PDE6A: variants seen among roughly 807,000 people sequenced by gnomAD.
PDE6A encodes rod cGMP-specific 3',5'-cyclic phosphodiesterase subunit alpha.
In PDE6A, 84 loss-of-function variants were observed where a neutral mutation model predicts 106.3. That is an observed-to-expected ratio of 0.79 (90% CI 0.66 to 0.95). PDE6A has a LOEUF of 0.95. PDE6A is among the 40% of genes least tolerant of loss of function. PDE6A has a pLI of 0.00. For missense variants in PDE6A, 1,052 were observed against 1,084.9 expected (o/e 0.97, Z 0.43); for synonymous variants, 394 against 386.6 (o/e 1.02, Z -0.23).
chr5:149,880,027 T>C (rs920902072), intron 17 of PDE6A, among the ~76,000 whole-genome samples: 4 of 152,216 alleles, frequency 2.6e-5, no homozygotes, highest in East Asian at 3.8e-4. Context: ...CCCATTGATC[T>C]GAACGACTTC....
intron 20 of PDE6A, among the ~76,000 whole-genome samples, chr5:149,865,933 C>A (rs1760314913): frequency 6.6e-6 from 1 of 152,224 alleles, no homozygotes; most frequent in Non-Finnish European, 1.5e-5. Flanking sequence ...CATGCTTAGT[C>A]ATTTGCCCCA....
rs149380104 is a variant in PDE6A at position 149,884,554 on chromosome 5, T to A, written c.1952A>T (p.Asn651Ile). 1 of 1,613,676 alleles carries A rather than the reference T, an allele frequency of 6.2e-7. No individual in the cohort carries two copies. The highest frequency in any genetic ancestry group is 1.7e-5 in the Admixed American group (1 of 59,966). Reference sequence around the variant, plus strand: ...GATGGCATGCTCATGCTGTCGACGATTGAGGTTTTGAAAGATATTCAGGCT... The same window carrying A: ...GATGGCATGCTCATGCTGTCGACGAATGAGGTTTTGAAAGATATTCAGGCT... ...DESLNIFQNL[N>I]RRQHEHAIHM... The change falls in exon 16 of 22, where the codon AAT becomes ATT. Residue 651 changes from asparagine (N) to isoleucine (I), a missense_variant. Physicochemically the swap from Asn to Ile is moderately radical, Grantham distance 149 (BLOSUM62 -3). This residue lies in a region of PDE6A where 913 missense variants were observed against 915.2 expected (regional missense o/e 1.00). Coordinates refer to ENST00000255266, the MANE Select transcript of PDE6A (RefSeq NM_000440.3).
chr5:149,939,140 C>T (rs139475902), intron 1 of PDE6A, among the ~76,000 whole-genome samples: 33 of 152,272 alleles, frequency 2.2e-4, no homozygotes, highest in African/African-American at 6.0e-4. Flanking sequence ...ATACCAAGTA[C>T]GCAGGGATGA....
rs2113483834 is a variant in PDE6A, at chr5:149,859,333, C to G, written c.*1562G>C. The G allele has an allele frequency of 6.6e-6, 1 of 152,276 alleles. No homozygotes were observed. Among genetic ancestry groups the G allele is most frequent in the Middle Eastern group, 3.4e-3 (1 of 294 alleles). 9.4% of individuals were successfully genotyped at this position (152,276 alleles called of 1,614,324 possible). On this transcript the variant is annotated 3_prime_UTR_variant, in exon 22 of 22. Transcript: ENST00000255266. ...TTTGGATCAGATTCAGGCAAGCCAACCATTGAAAACGTTCATGAGAATGAA... is the reference window on the plus strand; with the variant it reads ...TTTGGATCAGATTCAGGCAAGCCAAGCATTGAAAACGTTCATGAGAATGAA...
At chr5:149,911,497 C>A (rs573036448) in intron 6 of PDE6A, among the ~76,000 whole-genome samples, 8 of 152,220 alleles carry the variant, frequency 5.3e-5, no homozygotes, top group Admixed American at 3.9e-4. Context: ...GTAACTTTGT[C>A]TTTTGACTAT....
chr5:149,908,365 A>G (rs1442261410), intron 6 of PDE6A, among the ~76,000 whole-genome samples: 1 of 152,214 alleles, frequency 6.6e-6, no homozygotes, highest in Admixed American at 6.5e-5. Flanking sequence ...AGATATTTGT[A>G]TCTTCAACTT....
intron 13 of PDE6A, among the ~76,000 whole-genome samples, chr5:149,889,081 C>CAAAAAA (rs568428704): frequency 4.9e-5 from 3 of 61,594 alleles, no homozygotes; most frequent in Admixed American, 1.8e-4. Flanking sequence ...GACTCTGTCT[C>CAAAAAA]AAAAAAAAAA....
chr5:149,932,070 A>G, intron 3 of PDE6A: 4 of 1,440,914 alleles, frequency 2.8e-6, no homozygotes, highest in Non-Finnish European at 3.9e-6. Flanking sequence ...TGAATACACG[A>G]CCATTTCTCT....
intron 8 of PDE6A, among the ~76,000 whole-genome samples, chr5:149,900,366 AATATATATGTATATATAT>A (rs1277190245): frequency 1.6e-4 from 2 of 12,778 alleles, no homozygotes; most frequent in Admixed American, 7.8e-4. Flanking sequence ...CATCTCGAAA[AATATATATGTATATATAT>A]ATATATATAT....
At chr5:149,937,096 G>A (rs1269470318) in intron 1 of PDE6A, among the ~76,000 whole-genome samples, 1 of 152,214 alleles carries the variant, frequency 6.6e-6, no homozygotes, top group Non-Finnish European at 1.5e-5. Flanking sequence ...AGGGATGGCA[G>A]GCTGGTGGGT....
At chr5:149,929,644 A>AT in intron 4 of PDE6A, among the ~76,000 whole-genome samples, 6 of 151,838 alleles carry the variant, frequency 4.0e-5, no homozygotes, top group African/African-American at 1.5e-4. Flanking sequence ...AAATAAATAA[A>AT]AGAAGCCAAA....
At chr5:149,920,463 C>A (rs1753672811) in intron 5 of PDE6A, among the ~76,000 whole-genome samples, 1 of 152,140 alleles carries the variant, frequency 6.6e-6, no homozygotes, top group Admixed American at 6.5e-5. Context: ...TGCCTGTAAT[C>A]CTAGCTACTC....
intron 1 of PDE6A, among the ~76,000 whole-genome samples, chr5:149,937,714 A>T (rs1289087695): frequency 6.6e-6 from 1 of 152,140 alleles, no homozygotes; most frequent in African/African-American, 2.4e-5. Context: ...ACTACTTCTC[A>T]TTCCCAGATT....
chr5:149,894,610 T>C (rs1752664571), intron 13 of PDE6A, among the ~76,000 whole-genome samples: 1 of 150,250 alleles, frequency 6.7e-6, no homozygotes. Flanking sequence ...ACTATAACCA[T>C]GACCAATTGA....
At chr5:149,916,936 A>G (rs1056619650) in intron 5 of PDE6A, among the ~76,000 whole-genome samples, 1 of 152,002 alleles carries the variant, frequency 6.6e-6, no homozygotes, top group Non-Finnish European at 1.5e-5. Context: ...TGTCTTGTGA[A>G]CTCTTTACTA....
chr5:149,870,771 C>CAAAAAA, intron 17 of PDE6A, among the ~76,000 whole-genome samples: 1 of 64,402 alleles, frequency 1.6e-5, no homozygotes, highest in Non-Finnish European at 3.0e-5. Flanking sequence ...GAACACAGGG[C>CAAAAAA]AAAAAAAAAA....
intron 17 of PDE6A, among the ~76,000 whole-genome samples, chr5:149,868,470 GGAGAA>G (rs1410815350): frequency 6.6e-6 from 1 of 152,306 alleles, no homozygotes; most frequent in African/African-American, 2.4e-5. Flanking sequence ...GATTGTGGTT[GGAGAA>G]ATCTAAGTAT....
At chr5:149,934,136 C>T (rs962741218) in intron 2 of PDE6A, 117 bp from the exon 3 acceptor site, 2 of 710,950 alleles carry the variant, frequency 2.8e-6, no homozygotes, top group African/African-American at 3.5e-5. Flanking sequence ...ACAATTTGGG[C>T]AGATGGATCC....
rs569370717 is a variant in PDE6A, at chr5:149,886,147, G to T, written c.1838+118C>A. ...GGAGACCCGGATCCCAAGGGCAGAA[G>T]GCGGTGGGAAGCTGTGGACCACAAG... On this transcript the variant is annotated intron_variant, in intron 14 of 21. Coordinates refer to ENST00000255266, the MANE Select transcript of PDE6A (RefSeq NM_000440.3). The T allele has an allele frequency of 4.2e-5, 32 of 757,294 alleles. No homozygotes were observed. In the African/African-American group the frequency reaches 5.5e-4, roughly 13 times the overall value. The allele number at this position is 757,294 out of a possible 1,614,324, so 46.9% of individuals were successfully genotyped here.
Sources: gnomAD v4.1 joint callset for allele counts (sites outside exome capture counted in the v4.1 genomes callset) on GRCh38, gnomAD v4.1.1 for gene constraint, gnomAD v4.1.1 regional missense constraint, MANE v1.5 for transcripts, NCBI Gene and HGNC (gene_info 2026-07-23, HGNC 2026-07-21) for gene names.